Variants in CADM2 observed in about 807,000 individuals in gnomAD.
The protein encoded by CADM2 is immunoglobulin superfamily member 4D.
CADM2 carries 12 observed loss-of-function variants against 49.8 expected under a neutral mutation model. The ratio of observed to expected loss-of-function variants is 0.24; its 90% CI spans 0.15 to 0.39. The LOEUF (loss-of-function observed/expected upper bound fraction) is 0.39, where lower values mean the gene tolerates loss of function less well. Ranked by LOEUF, CADM2 falls within the 10% of genes least tolerant of loss-of-function variation. The pLI is 1.00. For synonymous variants in CADM2, 214 were observed against 175.4 expected, an observed-to-expected ratio of 1.22 and a Z score of -1.74; for missense variants, 378 against 492.3, an observed-to-expected ratio of 0.77 and a Z score of 2.20.
At chr3:85,190,040 C>A (rs1215944065) in intron 1 of CADM2, among the ~76,000 whole-genome samples, 1 of 148,236 alleles carries the variant, frequency 6.7e-6, no homozygotes, top group Non-Finnish European at 1.5e-5. Context: ...GACAGACACC[C>A]AGTGAGGGAG....
chr3:85,911,857 A>T (rs1481460190), intron 5 of CADM2, among the ~76,000 whole-genome samples: 2 of 152,086 alleles, frequency 1.3e-5, no homozygotes, highest in Non-Finnish European at 2.9e-5. Context: ...GAGACCAAAG[A>T]AATAAAATTG....
rs150043939 is a variant in CADM2, at chr3:85,741,646, C to T, written c.88+15098C>T. On this transcript the variant is annotated intron_variant, in intron 2 of 9. Transcript: ENST00000383699. ...TCGTGCCATTGCACTCCAGCCTGGG[C>T]GACAGGCAAGACTCTGTCTCAGAAA... Among the ~76,000 whole-genome samples the T allele has an allele frequency of 5.7e-4, 86 of 152,154 alleles. 1 individual carries two copies. Among genetic ancestry groups the T allele is most frequent in the African/African-American group, 1.9e-3 (80 of 41,520 alleles).
chr3:85,500,628 C>T (rs368569496), intron 1 of CADM2, among the ~76,000 whole-genome samples: 1 of 151,902 alleles, frequency 6.6e-6, no homozygotes. Flanking sequence ...CGTCATTCTC[C>T]TGCCTCAGTC....
At chr3:86,032,918 A>C (rs1207430812) in intron 8 of CADM2, among the ~76,000 whole-genome samples, 1 of 151,760 alleles carries the variant, frequency 6.6e-6, no homozygotes, top group African/African-American at 2.4e-5. Context: ...AAAAGGTTGA[A>C]GTTCTTTGAT....
At chr3:85,184,224 A>G (rs1381037452) in intron 1 of CADM2, among the ~76,000 whole-genome samples, 1 of 152,102 alleles carries the variant, frequency 6.6e-6, no homozygotes, top group Admixed American at 6.6e-5. Flanking sequence ...CTTTGATACA[A>G]CAGATTCAGT....
At chr3:85,507,000 G>A (rs1179761912) in intron 1 of CADM2, among the ~76,000 whole-genome samples, 7 of 152,020 alleles carry the variant, frequency 4.6e-5, no homozygotes, top group Non-Finnish European at 1.0e-4. Context: ...AGGTTTTTAA[G>A]TATGAAAAAC....
chr3:85,968,756 T>C (rs551505261), intron 8 of CADM2, among the ~76,000 whole-genome samples: 1 of 151,744 alleles, frequency 6.6e-6, no homozygotes, highest in African/African-American at 2.4e-5. Flanking sequence ...TCTACCCAAG[T>C]ATATGTGTGT....
intron 1 of CADM2, among the ~76,000 whole-genome samples, chr3:85,120,659 A>G (rs1038681605): frequency 6.6e-6 from 1 of 152,036 alleles, no homozygotes; most frequent in Non-Finnish European, 1.5e-5. Flanking sequence ...GGGGAACATC[A>G]CACACCAGGG....
At chr3:85,649,928 G>A (rs563650388) in intron 1 of CADM2, among the ~76,000 whole-genome samples, 1 of 152,164 alleles carries the variant, frequency 6.6e-6, no homozygotes, top group East Asian at 1.9e-4. Flanking sequence ...TGAGAAGTGA[G>A]GATAATAAAA....
In CADM2 at chr3:86,069,909, T is replaced by G. The variant is rs966451764; in HGVS notation, c.*3126T>G. The G allele has an allele frequency of 1.3e-5, 2 of 152,002 alleles. No individual in the cohort carries two copies. Among genetic ancestry groups the G allele is most frequent in the Admixed American group, 6.6e-5 (1 of 15,252 alleles). 9.4% of individuals were successfully genotyped at this position (152,002 alleles called of 1,614,324 possible). The stretch of plus-strand genomic sequence containing the variant: ...AAGTAGGAGGAAAAAGAAATGTTTG[T>G]GAGTGCAAGATTAAAGACAGAGCGC... On this transcript the variant is annotated 3_prime_UTR_variant, in exon 10 of 10. Transcript: ENST00000383699.
At chr3:85,238,620 G>T (rs2042461633) in intron 1 of CADM2, among the ~76,000 whole-genome samples, 1 of 151,890 alleles carries the variant, frequency 6.6e-6, no homozygotes. Flanking sequence ...TGCTTGACTA[G>T]AACGTTTGTT....
intron 1 of CADM2, among the ~76,000 whole-genome samples, chr3:85,268,128 C>T (rs1240767891): frequency 1.3e-5 from 2 of 151,210 alleles, no homozygotes; most frequent in African/African-American, 2.4e-5. Context: ...GGAAAGAATT[C>T]CTGAGGAAGT....
chr3:85,701,994 A>T (rs1382110067), intron 1 of CADM2, among the ~76,000 whole-genome samples: 2 of 141,694 alleles, frequency 1.4e-5, no homozygotes, highest in Non-Finnish European at 2.9e-5. Flanking sequence ...ATAGATAGAT[A>T]GATAGATAGA....
At chr3:85,811,412 A>C (rs1169573388) in intron 3 of CADM2, among the ~76,000 whole-genome samples, 1 of 152,196 alleles carries the variant, frequency 6.6e-6, no homozygotes, top group Non-Finnish European at 1.5e-5. Context: ...TGATTAATTT[A>C]TGTATTATTT....
At position 85,269,653 on chromosome 3, in the gene CADM2, T is replaced by C. The variant is rs2043193345; in HGVS notation, c.61+309985T>C. The stretch of plus-strand genomic sequence containing the variant: ...ACTGAGTCAGAGATCATTCTACTCC[T>C]ACTCCAGGACTTGTCTCTCAGATCA... On this transcript the variant is annotated intron_variant, in intron 1 of 9. Coordinates refer to ENST00000383699, the MANE Select transcript of CADM2 (RefSeq NM_001167675.2). 4.6e-5 allele frequency among the ~76,000 whole-genome samples: 7 copies of C among 151,456 alleles called. No individual in the cohort carries two copies. In the Admixed American group the frequency reaches 4.6e-4, roughly 10 times the overall value.
intron 2 of CADM2, among the ~76,000 whole-genome samples, chr3:85,782,308 CTT>C (rs1420457683): frequency 2.0e-5 from 3 of 152,032 alleles, no homozygotes; most frequent in Admixed American, 6.6e-5. Flanking sequence ...CTTTTTAACT[CTT>C]TTGTAAACAG....
At chr3:85,708,006 G>A (rs1462799272) in intron 1 of CADM2, among the ~76,000 whole-genome samples, 1 of 152,144 alleles carries the variant, frequency 6.6e-6, no homozygotes, top group Admixed American at 6.5e-5. Flanking sequence ...CTACTTGTTA[G>A]TAAGGGGATG....
At chr3:85,690,994 G>A (rs1176079668) in intron 1 of CADM2, among the ~76,000 whole-genome samples, 1 of 152,114 alleles carries the variant, frequency 6.6e-6, no homozygotes, top group East Asian at 1.9e-4. Context: ...TCACTCTACT[G>A]TGCAATAGAA....
chr3:85,677,778 A>G (rs1020887921), intron 1 of CADM2, among the ~76,000 whole-genome samples: 2 of 152,194 alleles, frequency 1.3e-5, no homozygotes, highest in Non-Finnish European at 2.9e-5. Context: ...CAGTGCTTCC[A>G]GAAATGAAAG....
Sources: allele counts gnomAD v4.1 joint callset (sites outside exome capture counted in the v4.1 genomes callset), GRCh38; gene constraint gnomAD v4.1.1; transcripts MANE v1.5; gene names NCBI Gene and HGNC (gene_info 2026-07-23, HGNC 2026-07-21).